PRELID2: variants seen among roughly 807,000 people sequenced by gnomAD.
The protein encoded by PRELID2 is PRELI domain-containing protein 2.
A neutral mutation model predicts 28.4 loss-of-function variants in PRELID2; 25 were observed. That is an observed-to-expected ratio of 0.88 (90% CI 0.64 to 1.23). The LOEUF (loss-of-function observed/expected upper bound fraction) is 1.23. Ranked by LOEUF, PRELID2 falls within the 50% of genes most tolerant of loss-of-function variation. The pLI is 0.00. For synonymous variants in PRELID2, 76 were observed against 71.6 expected (o/e 1.06, Z -0.31); for missense variants, 201 against 214.4 (o/e 0.94, Z 0.39).
At chr5:145,494,440 T>G (rs2126628990) in intron 1 of PRELID2, among the ~76,000 whole-genome samples, 1 of 152,332 alleles carries the variant, frequency 6.6e-6, no homozygotes, top group Admixed American at 6.5e-5. Flanking sequence ...ACGTTTCAAC[T>G]TTAAGGTCAA....
intron 1 of PRELID2, among the ~76,000 whole-genome samples, chr5:145,733,402 A>G (rs1027299025): frequency 6.6e-6 from 1 of 152,252 alleles, no homozygotes; most frequent in Non-Finnish European, 1.5e-5. Flanking sequence ...AATCTGCACA[A>G]TTAAGATTGG....
At chr5:145,559,611 C>T (rs1752909814) in intron 1 of PRELID2, among the ~76,000 whole-genome samples, 1 of 152,000 alleles carries the variant, frequency 6.6e-6, no homozygotes, top group Non-Finnish European at 1.5e-5. Flanking sequence ...CTCTATTGCC[C>T]CCTCCTCCTT....
chr5:145,464,110 A>G, the PRELID2 span, among the ~76,000 whole-genome samples: 3 of 152,204 alleles, frequency 2.0e-5, no homozygotes, highest in Non-Finnish European at 4.4e-5. Context: ...CACAGGTCTC[A>G]TATATCAGAT....
At chr5:145,782,432 G>T (rs1751695582) in intron 5 of PRELID2, among the ~76,000 whole-genome samples, 1 of 152,196 alleles carries the variant, frequency 6.6e-6, no homozygotes, top group Non-Finnish European at 1.5e-5. Context: ...CACAGTCTCT[G>T]TTCCAGAAGG....
intron 1 of PRELID2, among the ~76,000 whole-genome samples, chr5:145,500,922 G>T (rs1380665834): frequency 6.6e-6 from 1 of 152,102 alleles, no homozygotes; most frequent in Non-Finnish European, 1.5e-5. Flanking sequence ...TGCTCCGGGT[G>T]ACCAAGCATA....
intron 1 of PRELID2, among the ~76,000 whole-genome samples, chr5:145,735,089 A>AG (rs1756456844): frequency 2.1e-5 from 1 of 48,070 alleles, no homozygotes; most frequent in Non-Finnish European, 5.9e-5. Flanking sequence ...TACTAAAAAT[A>AG]CAAAAATTAG....
chr5:145,402,195 G>GA, the PRELID2 span, among the ~76,000 whole-genome samples: 89,612 of 151,904 alleles, frequency 0.59, 26,794 homozygotes, highest in South Asian at 0.8. Context: ...ACTCAGAGAG[G>GA]AAAGTGATTT....
At chr5:145,770,440 G>A (rs1758032083) in intron 5 of PRELID2, among the ~76,000 whole-genome samples, 1 of 152,068 alleles carries the variant, frequency 6.6e-6, no homozygotes, top group Non-Finnish European at 1.5e-5. Flanking sequence ...GGAGTTTGAG[G>A]CTGCAGTGAA....
chr5:145,812,418 A>G (rs980464290), intron 4 of PRELID2, among the ~76,000 whole-genome samples: 1 of 152,350 alleles, frequency 6.6e-6, no homozygotes, highest in African/African-American at 2.4e-5. Flanking sequence ...TAATCAGCCC[A>G]TGTTTGAATC....
intron 1 of PRELID2, among the ~76,000 whole-genome samples, chr5:145,480,789 T>C (rs891540763): frequency 6.6e-6 from 1 of 152,212 alleles, no homozygotes; most frequent in Non-Finnish European, 1.5e-5. Flanking sequence ...ATAAAATTTC[T>C]GATTTCAACT....
At chr5:145,697,057 A>G (rs1339226365) in intron 1 of PRELID2, among the ~76,000 whole-genome samples, 2 of 120,530 alleles carry the variant, frequency 1.7e-5, no homozygotes, top group East Asian at 4.7e-4. Flanking sequence ...ATATATATAT[A>G]TATATATATA....
At chr5:145,785,226 G>C (rs1461951076) in intron 5 of PRELID2, among the ~76,000 whole-genome samples, 1 of 152,168 alleles carries the variant, frequency 6.6e-6, no homozygotes, top group Non-Finnish European at 1.5e-5. Context: ...AGAAAGTTTA[G>C]GGTCTGAGAG....
chr5:145,346,958 T>C, the PRELID2 span, among the ~76,000 whole-genome samples: 1 of 152,182 alleles, frequency 6.6e-6, no homozygotes, highest in Non-Finnish European at 1.5e-5. Flanking sequence ...TAAAGAAATA[T>C]ATCCACATTC....
chr5:145,559,442 C>T (rs975219761), intron 1 of PRELID2, among the ~76,000 whole-genome samples: 3 of 152,104 alleles, frequency 2.0e-5, no homozygotes, highest in Non-Finnish European at 2.9e-5. Flanking sequence ...GGCTGCAGAA[C>T]ATCAAAAATA....
intron 1 of PRELID2, among the ~76,000 whole-genome samples, chr5:145,615,349 A>T: frequency 1.1e-5 from 1 of 91,410 alleles, no homozygotes; most frequent in South Asian, 3.2e-4. Context: ...TTTTTTTGAG[A>T]CGGAGTCTCG....
At chr5:145,326,140 G>A in the PRELID2 span, among the ~76,000 whole-genome samples, 361 of 152,130 alleles carry the variant, frequency 2.4e-3, 1 homozygote, top group Non-Finnish European at 3.9e-3. Context: ...AAGTACCTAG[G>A]ACTACAGGCA....
chr5:145,636,075 A>G (rs1343843065), intron 1 of PRELID2, among the ~76,000 whole-genome samples: 1 of 152,212 alleles, frequency 6.6e-6, no homozygotes, highest in Non-Finnish European at 1.5e-5. Context: ...ACACATTACC[A>G]CATCCTGCTG....
intron 5 of PRELID2, among the ~76,000 whole-genome samples, chr5:145,770,560 C>T (rs1758039759): frequency 6.6e-6 from 1 of 152,016 alleles, no homozygotes; most frequent in Non-Finnish European, 1.5e-5. Flanking sequence ...GGAGGTATAC[C>T]AGAAGAAGGC....
At chr5:145,532,402 A>G (rs1171381096) in intron 1 of PRELID2, among the ~76,000 whole-genome samples, 1 of 152,154 alleles carries the variant, frequency 6.6e-6, no homozygotes, top group African/African-American at 2.4e-5. Context: ...TTTAGTAAAC[A>G]TATACGTTGT....
Sources: allele counts gnomAD v4.1 joint callset (sites outside exome capture counted in the v4.1 genomes callset), GRCh38; gene constraint gnomAD v4.1.1; transcripts MANE v1.5; gene names NCBI Gene and HGNC (gene_info 2026-07-23, HGNC 2026-07-21).